The following MACROD2 variants were observed in gnomAD, a reference collection of about 807,000 sequenced individuals.
The protein encoded by MACROD2 is mono-ADP ribosylhydrolase 2, also known as ADP-ribose glycohydrolase MACROD2.
A neutral mutation model predicts 70.4 loss-of-function variants in MACROD2; 36 were observed. That is an observed-to-expected ratio of 0.51 (90% CI 0.39 to 0.68). The LOEUF is 0.68. MACROD2 is among the 30% of genes least tolerant of loss of function. The probability of loss-of-function intolerance (pLI) is 0.00; values close to 1 mark genes in which losing one functional copy is unlikely to be tolerated. For synonymous variants in MACROD2, 172 were observed against 178.8 expected (o/e 0.96, Z 0.30); for missense variants, 496 against 538.4 (o/e 0.92, Z 0.78).
intron 6 of MACROD2, among the ~76,000 whole-genome samples, chr20:15,404,107 G>A (rs953472022): frequency 6.6e-6 from 1 of 152,074 alleles, no homozygotes; most frequent in Non-Finnish European, 1.5e-5. Flanking sequence ...CATCTTTATA[G>A]TGCTTGAGAG....
chr20:14,183,747 G>C (rs765798789), intron 3 of MACROD2, among the ~76,000 whole-genome samples: 1 of 152,152 alleles, frequency 6.6e-6, no homozygotes, highest in East Asian at 1.9e-4. Flanking sequence ...GTGTGGTATA[G>C]TATCTCATTG....
intron 12 of MACROD2, among the ~76,000 whole-genome samples, chr20:15,942,416 G>GTA (rs2065763471): frequency 6.6e-6 from 1 of 152,172 alleles, no homozygotes; most frequent in Non-Finnish European, 1.5e-5. Flanking sequence ...TAACTCCAAG[G>GTA]TAAAGCTGGC....
chr20:14,476,656 G>A (rs563057785), intron 3 of MACROD2, among the ~76,000 whole-genome samples: 4 of 152,188 alleles, frequency 2.6e-5, no homozygotes, highest in South Asian at 2.1e-4. Context: ...CATGCCCGGC[G>A]TATTACCTTT....
At chr20:14,930,161 C>CAAAAAAAAGAAAAA (rs2074280631) in intron 5 of MACROD2, among the ~76,000 whole-genome samples, 1 of 106,440 alleles carries the variant, frequency 9.4e-6, no homozygotes, top group African/African-American at 3.4e-5. Context: ...GACTCCGTCT[C>CAAAAAAAAGAAAAA]AAAAAAAAAA....
At chr20:15,164,725 G>C (rs751738912) in intron 5 of MACROD2, among the ~76,000 whole-genome samples, 1 of 151,920 alleles carries the variant, frequency 6.6e-6, no homozygotes, top group Non-Finnish European at 1.5e-5. Flanking sequence ...GCAAGACCTT[G>C]TCTCTACAAA....
At chr20:14,383,336 C>T (rs2083441384) in intron 3 of MACROD2, among the ~76,000 whole-genome samples, 2 of 150,954 alleles carry the variant, frequency 1.3e-5, no homozygotes, top group Non-Finnish European at 2.9e-5. Context: ...TTTTGGAACT[C>T]CGTGACGATA....
intron 5 of MACROD2, among the ~76,000 whole-genome samples, chr20:14,971,449 GA>G (rs962517420): frequency 6.8e-6 from 1 of 146,208 alleles, no homozygotes; most frequent in Admixed American, 7.0e-5. Context: ...TAGGTAAAGG[GA>G]GGGGGGGGAC....
At chr20:14,672,247 GT>G (rs1788156721) in intron 4 of MACROD2, among the ~76,000 whole-genome samples, 1 of 152,230 alleles carries the variant, frequency 6.6e-6, no homozygotes, top group Non-Finnish European at 1.5e-5. Context: ...GCTAGTCTAA[GT>G]TGGCCTCCGC....
intron 3 of MACROD2, among the ~76,000 whole-genome samples, chr20:14,425,370 A>G (rs2083921623): frequency 6.6e-6 from 1 of 152,182 alleles, no homozygotes; most frequent in African/African-American, 2.4e-5. Context: ...TAATTATATC[A>G]AAGTAATGCT....
chr20:15,928,584 C>T (rs2065526390), intron 10 of MACROD2, among the ~76,000 whole-genome samples: 1 of 152,212 alleles, frequency 6.6e-6, no homozygotes, highest in East Asian at 1.9e-4. Flanking sequence ...CTTAACACGC[C>T]TGTGTCTCAG....
At position 14,386,028 on chromosome 20, in the gene MACROD2, T is replaced by G. The variant is rs199793544; in HGVS notation, c.272-107451T>G. 3.3e-4 allele frequency among the ~76,000 whole-genome samples: 27 copies of G among 81,760 alleles called. No individual in the cohort carries two copies. In the South Asian group the frequency reaches 4.2e-3, roughly 13 times the overall value. 53.6% of individuals were successfully genotyped at this position (81,760 alleles called of 152,430 possible). A position where few individuals can be genotyped will look rare whatever the true frequency, so the allele number is the denominator to read the frequency against. ...TGCTGTATGAGCCAATACAGCGTAT[T>G]TTTGTTAGGTACCTAATTTGTGTGA... On this transcript the variant is annotated intron_variant, in intron 3 of 17. Coordinates refer to ENST00000684519, the MANE Select transcript of MACROD2 (RefSeq NM_001351661.2).
chr20:15,856,702 A>G (rs993825747), intron 8 of MACROD2, among the ~76,000 whole-genome samples: 1 of 152,218 alleles, frequency 6.6e-6, no homozygotes, highest in Non-Finnish European at 1.5e-5. Context: ...TTTAAGACAT[A>G]AAGTGAACTG....
At chr20:14,542,291 T>A (rs1351489804) in intron 4 of MACROD2, among the ~76,000 whole-genome samples, 1 of 152,266 alleles carries the variant, frequency 6.6e-6, no homozygotes, top group African/African-American at 2.4e-5. Context: ...CATCACTTCA[T>A]GTGCTGCTCT....
At chr20:14,744,349 G>C (rs570945661) in intron 5 of MACROD2, among the ~76,000 whole-genome samples, 1 of 152,232 alleles carries the variant, frequency 6.6e-6, no homozygotes, top group African/African-American at 2.4e-5. Flanking sequence ...GTATAAAATT[G>C]TATGTATTTA....
chr20:15,752,347 G>T (rs2051285875), intron 8 of MACROD2, among the ~76,000 whole-genome samples: 1 of 151,914 alleles, frequency 6.6e-6, no homozygotes, highest in African/African-American at 2.4e-5. Context: ...GGAAGAAAAG[G>T]TTAGTCTATA....
At chr20:14,334,660 G>C (rs576905167) in intron 3 of MACROD2, among the ~76,000 whole-genome samples, 1 of 151,852 alleles carries the variant, frequency 6.6e-6, no homozygotes, top group East Asian at 1.9e-4. Context: ...GCAAAAGGTG[G>C]GGGGTGGGAG....
chr20:15,224,536 G>A (rs141561239), intron 5 of MACROD2, among the ~76,000 whole-genome samples: 10 of 152,238 alleles, frequency 6.6e-5, no homozygotes, highest in Admixed American at 2.0e-4. Context: ...AAAAGTAGGC[G>A]TAGATTAAAT....
intron 7 of MACROD2, among the ~76,000 whole-genome samples, chr20:15,461,153 A>C (rs1246099287): frequency 4.0e-5 from 6 of 151,636 alleles, no homozygotes; most frequent in Admixed American, 3.3e-4. Flanking sequence ...GACTATAGGC[A>C]CATGCCACCA....
intron 2 of MACROD2, among the ~76,000 whole-genome samples, chr20:14,044,809 A>T (rs952400392): frequency 6.6e-6 from 1 of 152,160 alleles, no homozygotes. Flanking sequence ...GCTGCCTGCC[A>T]CTTCTGTGCT....
Sources: gnomAD v4.1 joint callset for allele counts (sites outside exome capture counted in the v4.1 genomes callset) on GRCh38, gnomAD v4.1.1 for gene constraint, MANE v1.5 for transcripts, NCBI Gene and HGNC (gene_info 2026-07-23, HGNC 2026-07-21) for gene names.